Variants in DLGAP2 observed in about 807,000 individuals in gnomAD.
The protein encoded by DLGAP2 is disks large-associated protein 2.
DLGAP2 carries 26 observed loss-of-function variants against 100.3 expected under a neutral mutation model. The observed-to-expected ratio is 0.26, with a 90% CI of 0.19 to 0.36. DLGAP2 has a LOEUF of 0.36. DLGAP2 is among the 10% of genes least tolerant of loss of function. The pLI is 1.00. For missense variants in DLGAP2, 1,858 were observed against 1,453.2 expected, an observed-to-expected ratio of 1.28 and a Z score of -4.53; for synonymous variants, 886 against 630.1, an observed-to-expected ratio of 1.41 and a Z score of -6.08.
At chr8:1,000,926 C>G (rs754867398) in intron 2 of DLGAP2, among the ~76,000 whole-genome samples, 4 of 152,082 alleles carry the variant, frequency 2.6e-5, no homozygotes, top group Non-Finnish European at 5.9e-5. Context: ...TCCGAGAGTG[C>G]CTGGGAGCAG....
chr8:782,046 A>T (rs920713232), intron 1 of DLGAP2, among the ~76,000 whole-genome samples: 6 of 152,188 alleles, frequency 3.9e-5, no homozygotes, highest in African/African-American at 1.4e-4. Context: ...AATTGATTGT[A>T]CATTTCAAAA....
chr8:1,273,722 G>A (rs948052689), intron 3 of DLGAP2, among the ~76,000 whole-genome samples: 20 of 152,210 alleles, frequency 1.3e-4, no homozygotes, highest in Non-Finnish European at 2.8e-4. Flanking sequence ...CTGCTCAAAG[G>A]TGCTTCTAAT....
At chr8:748,178 G>GGC (rs1820695974) in intron 1 of DLGAP2, among the ~76,000 whole-genome samples, 1 of 101,856 alleles carries the variant, frequency 9.8e-6, no homozygotes, top group Non-Finnish European at 2.1e-5. Context: ...GGTGGGATGG[G>GGC]CGGGTCTGCG....
chr8:980,133 G>A (rs1483390578), intron 2 of DLGAP2, among the ~76,000 whole-genome samples: 1 of 152,218 alleles, frequency 6.6e-6, no homozygotes, highest in African/African-American at 2.4e-5. Flanking sequence ...AGTCAGGAGT[G>A]ACTGAAGAGG....
intron 3 of DLGAP2, among the ~76,000 whole-genome samples, chr8:1,457,461 C>G (rs1033592832): frequency 6.6e-6 from 1 of 152,128 alleles, no homozygotes; most frequent in African/African-American, 2.4e-5. Flanking sequence ...ACTCGGTCTC[C>G]TAGAAACATA....
intron 3 of DLGAP2, among the ~76,000 whole-genome samples, chr8:1,378,481 C>T (rs1306961456): frequency 6.6e-6 from 1 of 151,558 alleles, no homozygotes; most frequent in East Asian, 2.0e-4. Flanking sequence ...GTCCATCCTG[C>T]ACACACCTGG....
chr8:1,257,730 G>A (rs1368976007), intron 2 of DLGAP2, among the ~76,000 whole-genome samples: 4 of 151,980 alleles, frequency 2.6e-5, no homozygotes, highest in African/African-American at 4.8e-5. Flanking sequence ...CCGAGGGCCC[G>A]TGCAGGCCAG....
intron 2 of DLGAP2, among the ~76,000 whole-genome samples, chr8:1,116,764 G>T (rs2129046803): frequency 6.6e-6 from 1 of 152,110 alleles, no homozygotes; most frequent in East Asian, 1.9e-4. Context: ...TTGTGCCACT[G>T]CACTCCAGCC....
chr8:1,267,910 C>T (rs1398003070), intron 3 of DLGAP2, among the ~76,000 whole-genome samples: 2 of 152,104 alleles, frequency 1.3e-5, no homozygotes, highest in Non-Finnish European at 2.9e-5. Context: ...AGTTTTGAAT[C>T]AAATACATAA....
At position 1,448,470 on chromosome 8, in the gene DLGAP2, G is replaced by A. The variant is rs151204167; in HGVS notation, c.107-52896G>A. On this transcript the variant is annotated intron_variant, in intron 3 of 14. Coordinates refer to ENST00000637795, the MANE Select transcript of DLGAP2 (RefSeq NM_001346810.2). The stretch of plus-strand genomic sequence containing the variant: ...TGAGAGACAGTTTGTTATAATTTCT[G>A]TTCTTTTACATTTGCTGAGGAGAGC... 6.2e-3 allele frequency among the ~76,000 whole-genome samples: 938 copies of A among 152,156 alleles called. 13 individuals carry two copies. The highest frequency in any genetic ancestry group is 0.021 in the African/African-American group (861 of 41,516).
chr8:1,562,172 A>G (rs867074388), intron 5 of DLGAP2, among the ~76,000 whole-genome samples: 1 of 11,782 alleles, frequency 8.5e-5, no homozygotes, highest in Non-Finnish European at 1.5e-4. Context: ...GCGCCTCGTT[A>G]CTGGGGGACT....
chr8:756,680 A>G (rs1026289283), intron 1 of DLGAP2, among the ~76,000 whole-genome samples: 1 of 152,084 alleles, frequency 6.6e-6, no homozygotes, highest in Admixed American at 6.6e-5. Flanking sequence ...AGATGCGGAA[A>G]CTGAGGCTGA....
At chr8:1,558,806 TAAAC>T (rs1802061584) in intron 5 of DLGAP2, among the ~76,000 whole-genome samples, 2 of 149,822 alleles carry the variant, frequency 1.3e-5, no homozygotes, top group Non-Finnish European at 1.5e-5. Flanking sequence ...CATACACACA[TAAAC>T]ACACATACGC....
intron 3 of DLGAP2, among the ~76,000 whole-genome samples, chr8:1,322,510 T>C (rs1159527918): frequency 6.6e-6 from 1 of 152,064 alleles, no homozygotes; most frequent in African/African-American, 2.4e-5. Flanking sequence ...TTCACACGTG[T>C]TGATCTGTGG....
At chr8:1,119,568 A>C (rs1795987261) in intron 2 of DLGAP2, among the ~76,000 whole-genome samples, 1 of 152,248 alleles carries the variant, frequency 6.6e-6, no homozygotes, top group African/African-American at 2.4e-5. Context: ...GATGCTGAGC[A>C]GCCTGAGGCT....
intron 3 of DLGAP2, among the ~76,000 whole-genome samples, chr8:1,340,011 T>C (rs1252506312): frequency 2.0e-5 from 3 of 152,210 alleles, no homozygotes; most frequent in Non-Finnish European, 4.4e-5. Flanking sequence ...GGTTCCTTAT[T>C]CAATCCATGG....
chr8:1,477,425 G>A lies in DLGAP2; in HGVS notation c.107-23941G>A, dbSNP rs190778274. ...TCTCTCCCCACCCCTGTGAATCTCC[G>A]CTTTGCCTGTCCCTGCTGGGCCGAT... On this transcript the variant is annotated intron_variant, in intron 3 of 14. Coordinates refer to ENST00000637795, the MANE Select transcript of DLGAP2 (RefSeq NM_001346810.2). 5.9e-3 allele frequency among the ~76,000 whole-genome samples: 898 copies of A among 152,222 alleles called. 13 individuals are homozygous for A. Among genetic ancestry groups the A allele is most frequent in the African/African-American group, 0.02 (820 of 41,508 alleles).
intron 2 of DLGAP2, among the ~76,000 whole-genome samples, chr8:1,080,388 G>C (rs1188703551): frequency 1.3e-5 from 2 of 152,236 alleles, no homozygotes; most frequent in African/African-American, 4.8e-5. Context: ...ACAGAGGTGT[G>C]CGTTACGAAG....
chr8:1,219,052 A>G lies in DLGAP2; in HGVS notation c.74-39799A>G, dbSNP rs925953843. On this transcript the variant is annotated intron_variant, in intron 2 of 14. Transcript: ENST00000637795. ...AACTGCGGGGTTTTCTAGGTATAGA[A>G]TCATATAGTCTAAAGACAGGTAGTT... Among the ~76,000 whole-genome samples, 20 of 152,220 alleles carry G rather than the reference A, an allele frequency of 1.3e-4. No individual in the cohort carries two copies. The South Asian group carries it at 3.9e-3, about 30-fold the overall frequency.
Sources: gnomAD v4.1 joint callset for allele counts (sites outside exome capture counted in the v4.1 genomes callset) on GRCh38, gnomAD v4.1.1 for gene constraint, MANE v1.5 for transcripts, NCBI Gene and HGNC (gene_info 2026-07-23, HGNC 2026-07-21) for gene names.